IGFL2: variants seen among roughly 807,000 people sequenced by gnomAD.
The protein encoded by IGFL2 is IGF like family member 2.
Under a neutral mutation model 13.9 loss-of-function variants are expected in IGFL2, and 7 were observed. That is an observed-to-expected ratio of 0.51 (90% CI 0.29 to 0.95). The LOEUF is 0.95. Ranked by LOEUF, IGFL2 falls within the 40% of genes least tolerant of loss-of-function variation. The probability of loss-of-function intolerance (pLI) is 0.08; values close to 1 mark genes in which losing one functional copy is unlikely to be tolerated. For missense variants in IGFL2, 138 were observed against 147.8 expected, an observed-to-expected ratio of 0.93 and a Z score of 0.34; for synonymous variants, 55 against 55.8, an observed-to-expected ratio of 0.99 and a Z score of 0.07.
chr19:46,185,482 G>A, the IGFL2 span, among the ~76,000 whole-genome samples: 1 of 152,210 alleles, frequency 6.6e-6, no homozygotes, highest in Non-Finnish European at 1.5e-5. Context: ...GCCAAGTCAA[G>A]GAACCTGGGC....
At chr19:46,139,965 T>A (rs1972785807), upstream of IGFL2, among the ~76,000 whole-genome samples, 3 of 152,098 alleles carry the variant, frequency 2.0e-5, no homozygotes, top group Admixed American at 1.3e-4. Context: ...CATATATATT[T>A]TGAGACGGAG....
At chr19:46,153,817 G>GTATATATATA (rs373971338) in intron 1 of IGFL2, among the ~76,000 whole-genome samples, 5 of 145,236 alleles carry the variant, frequency 3.4e-5, no homozygotes, top group Non-Finnish European at 6.0e-5. Context: ...TTATATATGT[G>GTATATATATA]TATATATATA....
At chr19:46,178,000 C>T in the IGFL2 span, among the ~76,000 whole-genome samples, 3 of 152,116 alleles carry the variant, frequency 2.0e-5, no homozygotes, top group East Asian at 1.9e-4. Flanking sequence ...AGAGCGTGGC[C>T]GGGTGCGGTG....
chr19:46,088,357 C>CT, the IGFL2 span, among the ~76,000 whole-genome samples: 3 of 152,092 alleles, frequency 2.0e-5, no homozygotes, highest in East Asian at 5.8e-4. Flanking sequence ...AAGATAAGGG[C>CT]TTTTTTTCTG....
At position 46,148,810 on chromosome 19, in the gene IGFL2, C is replaced by T. The variant is rs1973282169; in HGVS notation, c.19+513C>T. The T allele has an allele frequency of 6.2e-6, 9 of 1,458,882 alleles. No individual in the cohort carries two copies. The East Asian group carries it at 2.0e-4, about 32-fold the overall frequency. 90.4% of individuals were successfully genotyped at this position (1,458,882 alleles called of 1,614,324 possible). A position where few individuals can be genotyped will look rare whatever the true frequency, so the allele number is the denominator to read the frequency against. On this transcript the variant is annotated intron_variant, in intron 1 of 3. Transcript: ENST00000377693. Reference sequence around the variant, plus strand: ...CAGAGGTCCCCTGCCAGCTCATCAGCTCTGACTCTTCCAGATATTGGACTG... The same window carrying T: ...CAGAGGTCCCCTGCCAGCTCATCAGTTCTGACTCTTCCAGATATTGGACTG...
chr19:46,131,289 C>T, the IGFL2 span, among the ~76,000 whole-genome samples: 1 of 152,098 alleles, frequency 6.6e-6, no homozygotes. Context: ...GTGTCTGGTT[C>T]ATTTACAGTA....
the IGFL2 span, chr19:46,110,969 A>T: frequency 6.6e-6 from 1 of 152,166 alleles, no homozygotes. Context: ...AAATATGGTG[A>T]CATGTTTCTT....
At chr19:46,214,426 G>A in the IGFL2 span, 2 of 152,218 alleles carry the variant, frequency 1.3e-5, no homozygotes, top group Admixed American at 6.5e-5. Context: ...AGGATGTATC[G>A]GTCCTGTCTG....
upstream of IGFL2, among the ~76,000 whole-genome samples, chr19:46,147,257 T>G (rs1416597198): frequency 6.6e-6 from 1 of 152,164 alleles, no homozygotes; most frequent in Non-Finnish European, 1.5e-5. Context: ...ATAATGGATA[T>G]GGTGGTCCAT....
At chr19:46,155,864 C>T (rs537193802) in intron 1 of IGFL2, among the ~76,000 whole-genome samples, 11 of 152,242 alleles carry the variant, frequency 7.2e-5, no homozygotes, top group East Asian at 3.9e-4. Flanking sequence ...CGCAATACCA[C>T]GCTCTAAATT....
chr19:46,152,365 C>G (rs755503986), intron 1 of IGFL2, among the ~76,000 whole-genome samples: 1 of 151,424 alleles, frequency 6.6e-6, no homozygotes, highest in South Asian at 2.1e-4. Context: ...CAGCTTCGAA[C>G]TCCTGGGCTC....
chr19:46,090,846 T>C, the IGFL2 span, among the ~76,000 whole-genome samples: 9 of 152,286 alleles, frequency 5.9e-5, no homozygotes, highest in East Asian at 1.2e-3. Flanking sequence ...GGTACTGATA[T>C]GGGTTGAGCG....
At chr19:46,142,600 A>G (rs189141294), upstream of IGFL2, among the ~76,000 whole-genome samples, 4 of 152,358 alleles carry the variant, frequency 2.6e-5, no homozygotes, top group African/African-American at 9.6e-5. Flanking sequence ...TTAAATTATT[A>G]TATGAAAGAG....
intron 1 of IGFL2, among the ~76,000 whole-genome samples, chr19:46,154,466 C>T (rs907961333): frequency 4.6e-5 from 7 of 152,012 alleles, no homozygotes; most frequent in East Asian, 3.9e-4. Context: ...TTGTTTTTGA[C>T]GGAGTCTCGC....
chr19:46,172,757 A>G, the IGFL2 span, among the ~76,000 whole-genome samples: 11 of 152,174 alleles, frequency 7.2e-5, no homozygotes, highest in African/African-American at 2.7e-4. Context: ...TCGCTCTGTC[A>G]TGTAGACTGG....
chr19:46,209,199 A>G, the IGFL2 span: 3 of 152,230 alleles, frequency 2.0e-5, no homozygotes, highest in Non-Finnish European at 4.4e-5. Flanking sequence ...TAAATGAATG[A>G]AAGAAAAGTG....
the IGFL2 span, among the ~76,000 whole-genome samples, chr19:46,182,486 C>A: frequency 6.7e-6 from 1 of 149,802 alleles, no homozygotes; most frequent in African/African-American, 2.5e-5. Context: ...AACATAATTT[C>A]TATTTGCTAA....
At chr19:46,143,348 G>A (rs1162319922), upstream of IGFL2, 2 of 151,668 alleles carry the variant, frequency 1.3e-5, no homozygotes, top group Non-Finnish European at 2.9e-5. Flanking sequence ...TATCAGTAAG[G>A]CTGCCCATCA....
At chr19:46,213,234 G>A in the IGFL2 span, 2 of 152,444 alleles carry the variant, frequency 1.3e-5, no homozygotes, top group East Asian at 3.9e-4. Context: ...GTAGGACACA[G>A]AAGCGGAGGG....
Sources: gnomAD v4.1 joint callset for allele counts (sites outside exome capture counted in the v4.1 genomes callset) on GRCh38, gnomAD v4.1.1 for gene constraint, MANE v1.5 for transcripts, NCBI Gene and HGNC (gene_info 2026-07-23, HGNC 2026-07-21) for gene names.